The following STX8 variants were observed in gnomAD, a reference collection of about 807,000 sequenced individuals.
STX8 encodes the protein syntaxin-8.
In STX8, 23 loss-of-function variants were observed where a neutral mutation model predicts 37.5. That is an observed-to-expected ratio of 0.61 (90% CI 0.44 to 0.87). STX8 has a LOEUF of 0.87. Ranked by LOEUF, STX8 falls within the 40% of genes least tolerant of loss-of-function variation. STX8 has a pLI of 0.00. For synonymous variants in STX8, 115 were observed against 99.1 expected (o/e 1.16, Z -0.95); for missense variants, 313 against 284.7 (o/e 1.10, Z -0.71).
intron 5 of STX8, among the ~76,000 whole-genome samples, chr17:9,501,663 C>G (rs1295460161): frequency 6.7e-6 from 1 of 149,568 alleles, no homozygotes; most frequent in East Asian, 2.0e-4. Context: ...TGCACTCCAG[C>G]CTGGGCAACA....
chr17:9,536,747 ATT>A (rs140609634), intron 4 of STX8, among the ~76,000 whole-genome samples: 2 of 145,250 alleles, frequency 1.4e-5, no homozygotes. Flanking sequence ...GCTTATTATT[ATT>A]TTTTTTTTTT....
intron 6 of STX8, among the ~76,000 whole-genome samples, chr17:9,442,466 C>T (rs1597675085): frequency 6.6e-6 from 1 of 152,294 alleles, no homozygotes; most frequent in South Asian, 2.1e-4. Flanking sequence ...GTTGCAGTCT[C>T]AGTGATCTCA....
intron 7 of STX8, among the ~76,000 whole-genome samples, chr17:9,353,106 T>A (rs200491325): frequency 7.5e-3 from 1 of 134 alleles, no homozygotes; most frequent in East Asian, 0.25. Flanking sequence ...ATGTTGACCG[T>A]CAGACTGGCC....
chr17:9,431,217 G>A lies in STX8; in HGVS notation c.542-52564C>T, dbSNP rs115359419. On this transcript the variant is annotated intron_variant, in intron 6 of 7. Transcript: ENST00000306357. ...CATCTCATTGGGTAGTAGCATTTTT[G>A]TTGTTGTTGTTTTATTTTTCTGTTT... Among the ~76,000 whole-genome samples, 17 of 139,614 alleles carry A rather than the reference G, an allele frequency of 1.2e-4. 1 individual carries two copies. In the South Asian group the frequency reaches 3.6e-3, roughly 29 times the overall value. The allele number at this position is 139,614 out of a possible 152,430, so 91.6% of individuals were successfully genotyped here. A position where few individuals can be genotyped will look rare whatever the true frequency, so the allele number is the denominator to read the frequency against.
intron 7 of STX8, among the ~76,000 whole-genome samples, chr17:9,289,327 G>A (rs932002926): frequency 2.6e-5 from 4 of 152,126 alleles, no homozygotes; most frequent in African/African-American, 9.7e-5. Flanking sequence ...GGAATGAAGG[G>A]CTCCAAAAGA....
chr17:9,447,603 A>C (rs901064785), intron 6 of STX8, among the ~76,000 whole-genome samples: 14 of 151,968 alleles, frequency 9.2e-5, no homozygotes, highest in Admixed American at 5.2e-4. Context: ...CTGTATTTTT[A>C]GTAGAGATGG....
intron 6 of STX8, chr17:9,469,113 A>AAGCTCAACCTAGGAGAAGGCTGGGC (rs1478772067): frequency 1.3e-5 from 2 of 152,188 alleles, no homozygotes; most frequent in African/African-American, 4.8e-5. Flanking sequence ...CAGATGGTTA[A>AAGCTCAACCTAGGAGAAGGCTGGGC]AGCTCAACCT....
chr17:9,573,394 TAACTC>T (rs1164532887), intron 1 of STX8, among the ~76,000 whole-genome samples: 2 of 152,176 alleles, frequency 1.3e-5, no homozygotes, highest in African/African-American at 4.8e-5. Flanking sequence ...CTATTGATAA[TAACTC>T]AACCAATTGC....
At chr17:9,501,790 G>A (rs888821692) in intron 5 of STX8, among the ~76,000 whole-genome samples, 15 of 152,004 alleles carry the variant, frequency 9.9e-5, no homozygotes, top group East Asian at 5.8e-4. Context: ...TGGCTAACAC[G>A]GTGAAACCCC....
chr17:9,326,310 CAG>C (rs1247688309), intron 7 of STX8, among the ~76,000 whole-genome samples: 1 of 151,914 alleles, frequency 6.6e-6, no homozygotes, highest in Non-Finnish European at 1.5e-5. Flanking sequence ...TTTGTAGAGA[CAG>C]GGTTTCACCG....
chr17:9,502,301 G>A (rs759332671), intron 5 of STX8, among the ~76,000 whole-genome samples: 1 of 152,114 alleles, frequency 6.6e-6, no homozygotes, highest in African/African-American at 2.4e-5. Context: ...CCAGCCCTGG[G>A]GTTTGGGGGA....
rs901467234 is a variant in STX8 at position 9,276,124 on chromosome 17, T to C, written c.644-25479A>G. ...CCCCCTGATCCCACCCATCAAGCCATAGGGCCCTGGGCATGCAGGGCAAGT... is the reference window on the plus strand; with the variant it reads ...CCCCCTGATCCCACCCATCAAGCCACAGGGCCCTGGGCATGCAGGGCAAGT... On this transcript the variant is annotated intron_variant, in intron 7 of 7. Coordinates refer to ENST00000306357, the MANE Select transcript of STX8 (RefSeq NM_004853.3). Among the ~76,000 whole-genome samples the C allele has an allele frequency of 1.2e-4, 18 of 152,132 alleles. 1 individual carries two copies. The highest frequency in any genetic ancestry group is 3.9e-4 in the African/African-American group (16 of 41,468).
intron 2 of STX8, among the ~76,000 whole-genome samples, chr17:9,558,985 A>C (rs753895254): frequency 2.0e-5 from 3 of 152,188 alleles, no homozygotes; most frequent in Non-Finnish European, 4.4e-5. Context: ...CTATTTGTTC[A>C]CATAGAAAGA....
At chr17:9,458,357 G>A (rs1905246175) in intron 6 of STX8, among the ~76,000 whole-genome samples, 1 of 152,134 alleles carries the variant, frequency 6.6e-6, no homozygotes. Context: ...CACCGTGTCA[G>A]CCAGGATGGT....
chr17:9,261,109 G>A (rs903451794), intron 7 of STX8, among the ~76,000 whole-genome samples: 2 of 152,218 alleles, frequency 1.3e-5, no homozygotes, highest in Non-Finnish European at 2.9e-5. Context: ...CGGCAGCCTA[G>A]TGAAAGGCAG....
At chr17:9,458,384 C>T (rs1003152746) in intron 6 of STX8, among the ~76,000 whole-genome samples, 2 of 150,930 alleles carry the variant, frequency 1.3e-5, no homozygotes, top group African/African-American at 5.0e-5. Context: ...CTCCTGACTT[C>T]GTGATCCGCC....
At chr17:9,460,973 C>CTTT (rs35282673) in intron 6 of STX8, among the ~76,000 whole-genome samples, 1 of 143,444 alleles carries the variant, frequency 7.0e-6, no homozygotes, top group Admixed American at 7.0e-5. Context: ...GTCATCACTG[C>CTTT]TTTTTTTTTT....
At chr17:9,333,898 C>T (rs866797270) in intron 7 of STX8, among the ~76,000 whole-genome samples, 42 of 152,218 alleles carry the variant, frequency 2.8e-4, no homozygotes, top group African/African-American at 8.4e-4. Flanking sequence ...TAGACAGAGC[C>T]GATTTCTCTA....
chr17:9,286,737 A>T (rs1462563237), intron 7 of STX8, among the ~76,000 whole-genome samples: 1 of 149,384 alleles, frequency 6.7e-6, no homozygotes, highest in African/African-American at 2.5e-5. Flanking sequence ...GCCCCTTGGG[A>T]CGGTGTGTGG....
Sources: allele counts gnomAD v4.1 joint callset (sites outside exome capture counted in the v4.1 genomes callset), GRCh38; gene constraint gnomAD v4.1.1; transcripts MANE v1.5; gene names NCBI Gene and HGNC (gene_info 2026-07-23, HGNC 2026-07-21).